The following CDH18 variants were observed in gnomAD, a reference collection of about 807,000 sequenced individuals.
CDH18 encodes the protein cadherin-18.
A neutral mutation model predicts 67.9 loss-of-function variants in CDH18; 31 were observed. That is an observed-to-expected ratio of 0.46 (90% CI 0.34 to 0.62). The LOEUF is 0.62. CDH18 is among the 20% of genes least tolerant of loss of function. The pLI is 0.01. For missense variants in CDH18, 890 were observed against 975.5 expected, an observed-to-expected ratio of 0.91 and a Z score of 1.17; for synonymous variants, 362 against 347.2, an observed-to-expected ratio of 1.04 and a Z score of -0.48.
At chr5:19,719,379 C>A (rs1765722400) in intron 5 of CDH18, among the ~76,000 whole-genome samples, 1 of 151,944 alleles carries the variant, frequency 6.6e-6, no homozygotes. Flanking sequence ...GTTGAAACAG[C>A]ATTCCTGTTA....
intron 1 of CDH18, among the ~76,000 whole-genome samples, chr5:20,479,841 T>A (rs1752673986): frequency 6.6e-6 from 1 of 152,002 alleles, no homozygotes; most frequent in South Asian, 2.1e-4. Flanking sequence ...TCTAAGGTAT[T>A]AAATAATCAA....
upstream of CDH18, among the ~76,000 whole-genome samples, chr5:19,989,353 G>A (rs573618898): frequency 3.3e-5 from 5 of 152,286 alleles, no homozygotes; most frequent in East Asian, 9.7e-4. Context: ...AAGGAACAAG[G>A]ACTTAAGACT....
intron 2 of CDH18, among the ~76,000 whole-genome samples, chr5:20,025,643 T>C (rs576731783): frequency 1.2e-4 from 18 of 152,222 alleles, no homozygotes; most frequent in Non-Finnish European, 2.6e-4. Flanking sequence ...TGCCCAAATA[T>C]GATTTTCTTT....
At chr5:19,824,191 G>T (rs560709780) in intron 3 of CDH18, among the ~76,000 whole-genome samples, 1 of 152,272 alleles carries the variant, frequency 6.6e-6, no homozygotes, top group African/African-American at 2.4e-5. Context: ...GATAGAAGAT[G>T]GCAGATTAGA....
intron 1 of CDH18, among the ~76,000 whole-genome samples, chr5:20,349,400 CT>C (rs971313202): frequency 6.6e-6 from 1 of 152,030 alleles, no homozygotes; most frequent in East Asian, 1.9e-4. Flanking sequence ...GAACCTCTGT[CT>C]TTTTTTGCCT....
In CDH18 at chr5:20,473,337, A is replaced by G. The variant is rs572874229; in HGVS notation, c.-580+102125T>C. On this transcript the variant is annotated intron_variant, in intron 1 of 14. Transcript: ENST00000507958. ...TTTCCGAATTTATGTTTGACTGCATATAATGTATAGTATTTCAATAATGTT... is the reference window on the plus strand; with the variant it reads ...TTTCCGAATTTATGTTTGACTGCATGTAATGTATAGTATTTCAATAATGTT... 3.9e-5 allele frequency among the ~76,000 whole-genome samples: 6 copies of G among 152,322 alleles called. 1 individual carries two copies. The East Asian group carries it at 7.7e-4, about 20-fold the overall frequency.
At chr5:19,888,381 T>C (rs1788450251) in intron 2 of CDH18, among the ~76,000 whole-genome samples, 1 of 152,144 alleles carries the variant, frequency 6.6e-6, no homozygotes, top group South Asian at 2.1e-4. Flanking sequence ...TTTGTTTTTT[T>C]CAGTAATGGC....
At chr5:20,511,212 C>A (rs1755012403) in intron 1 of CDH18, among the ~76,000 whole-genome samples, 1 of 152,016 alleles carries the variant, frequency 6.6e-6, no homozygotes, top group Non-Finnish European at 1.5e-5. Flanking sequence ...GAAGAAAAAG[C>A]TTTTACTTTA....
chr5:19,757,925 G>A (rs753103444), intron 3 of CDH18, among the ~76,000 whole-genome samples: 3 of 152,184 alleles, frequency 2.0e-5, no homozygotes, highest in Non-Finnish European at 4.4e-5. Flanking sequence ...CTGTAGTGGT[G>A]CAGCTGTCCA....
intron 1 of CDH18, among the ~76,000 whole-genome samples, chr5:20,570,588 A>C (rs201694891): frequency 6.6e-6 from 1 of 152,158 alleles, no homozygotes; most frequent in Non-Finnish European, 1.5e-5. Flanking sequence ...TAATAAAATC[A>C]TGTTCTAGTC....
chr5:20,360,854 A>G (rs1742032710), intron 1 of CDH18, among the ~76,000 whole-genome samples: 1 of 152,170 alleles, frequency 6.6e-6, no homozygotes, highest in Admixed American at 6.5e-5. Flanking sequence ...GAAGTATACA[A>G]TGACACTTGC....
At chr5:20,183,205 A>G (rs566148190) in intron 2 of CDH18, among the ~76,000 whole-genome samples, 4 of 151,698 alleles carry the variant, frequency 2.6e-5, no homozygotes, top group African/African-American at 9.7e-5. Flanking sequence ...TATCATTACT[A>G]TTGTTGTTAT....
intron 1 of CDH18, among the ~76,000 whole-genome samples, chr5:20,475,350 A>T (rs1752365241): frequency 6.6e-6 from 1 of 152,132 alleles, no homozygotes; most frequent in South Asian, 2.1e-4. Flanking sequence ...AAATAAAATG[A>T]CCCTGGAGAG....
chr5:20,410,467 T>C (rs867982376), intron 1 of CDH18, among the ~76,000 whole-genome samples: 1 of 151,644 alleles, frequency 6.6e-6, no homozygotes, highest in South Asian at 2.1e-4. Context: ...AAACTAATAA[T>C]AGAAGAAAAG....
rs551083091 is a variant in CDH18 at position 20,262,840 on chromosome 5, A to G, written c.-579-7335T>C. Among the ~76,000 whole-genome samples, 185 of 152,108 alleles carry G rather than the reference A, an allele frequency of 1.2e-3. 1 individual carries two copies. Among genetic ancestry groups the G allele is most frequent in the African/African-American group, 4.3e-3 (179 of 41,488 alleles). ...ATTTGAGAAACACTGGTGCCTTTGC[A>G]TACATCAAGGAAGTGGCTCTAAACC... On this transcript the variant is annotated intron_variant, in intron 1 of 14. Coordinates refer to the CDH18 transcript ENST00000507958.
intron 2 of CDH18, among the ~76,000 whole-genome samples, chr5:19,959,171 GA>G (rs1212586552): frequency 1.3e-5 from 2 of 152,032 alleles, no homozygotes; most frequent in Non-Finnish European, 2.9e-5. Context: ...TTGAAGATGA[GA>G]AGGGAAACAG....
intron 2 of CDH18, among the ~76,000 whole-genome samples, chr5:19,927,676 G>C (rs1158335574): frequency 6.6e-6 from 1 of 152,038 alleles, no homozygotes; most frequent in Non-Finnish European, 1.5e-5. Flanking sequence ...ATGCAGACAT[G>C]TAATTTTTTG....
chr5:20,257,705 C>T (rs1053127754), intron 1 of CDH18, among the ~76,000 whole-genome samples: 1 of 152,050 alleles, frequency 6.6e-6, no homozygotes, highest in Admixed American at 6.6e-5. Flanking sequence ...TATTTAAATG[C>T]GATGAAACAA....
chr5:20,500,987 C>G (rs1406802820), intron 1 of CDH18, among the ~76,000 whole-genome samples: 1 of 152,082 alleles, frequency 6.6e-6, no homozygotes, highest in Non-Finnish European at 1.5e-5. Flanking sequence ...TATCATAGAA[C>G]TCAACTGACC....
Sources: allele counts gnomAD v4.1 joint callset (sites outside exome capture counted in the v4.1 genomes callset), GRCh38; gene constraint gnomAD v4.1.1; transcripts MANE v1.5; gene names NCBI Gene and HGNC (gene_info 2026-07-23, HGNC 2026-07-21).